The following CDH22 variants were observed in gnomAD, a reference collection of about 807,000 sequenced individuals.
The protein encoded by CDH22 is cadherin-22.
CDH22 carries 30 observed loss-of-function variants against 58.4 expected under a neutral mutation model. That is an observed-to-expected ratio of 0.51 (90% confidence interval 0.38 to 0.70). The LOEUF is 0.70. Among genes scored for constraint, CDH22 ranks in the 30% least tolerant of loss-of-function variants. The pLI, the probability that CDH22 is intolerant of heterozygous loss-of-function variation, is 0.00. For synonymous variants in CDH22, 513 were observed against 558.2 expected, an observed-to-expected ratio of 0.92 and a Z score of 1.14; for missense variants, 1,014 against 1,233.9, an observed-to-expected ratio of 0.82 and a Z score of 2.67.
At chr20:46,285,495 A>G (rs2425857) in intron 1 of CDH22, among the ~76,000 whole-genome samples, 95,391 of 152,002 alleles carry the variant, frequency 0.63, 30,461 homozygotes, top group South Asian at 0.75. Context: ...GGAGGGCAGG[A>G]ATGTTGCTAA....
In CDH22 at chr20:46,186,963, A is replaced by G. The variant is rs76118291; in HGVS notation, c.1424-16T>C. On this transcript the variant is annotated splice_polypyrimidine_tract_variant and intron_variant, in intron 8 of 11. Transcript: ENST00000537909. ...GCATGATTGTCTGTAATGAGAGCAC[A>G]GGAGCAAGGGGAGAGGCATCAAGTG... is the stretch of plus-strand genomic sequence containing the variant. The G allele has an allele frequency of 0.038, 59,889 of 1,563,066 alleles. 1,251 individuals are homozygous for G. The highest frequency in any genetic ancestry group is 0.045 in the Non-Finnish European group (51,482 of 1,152,722).
intron 5 of CDH22, 77 bp from the exon 6 acceptor site, chr20:46,213,265 A>G (rs993081154): frequency 1.5e-5 from 16 of 1,040,508 alleles, no homozygotes; most frequent in Non-Finnish European, 2.3e-5. Flanking sequence ...GGAGGGGACA[A>G]GGGGGCCCAG....
At chr20:46,199,305 C>G (rs919308867) in intron 8 of CDH22, 118 bp downstream of exon 8, 3 of 1,241,056 alleles carry the variant, frequency 2.4e-6, no homozygotes, top group Non-Finnish European at 3.3e-6. Context: ...GGCCCCTCCC[C>G]CGTGGGCTTT....
intron 1 of CDH22, among the ~76,000 whole-genome samples, chr20:46,279,263 G>C (rs2086536876): frequency 6.6e-6 from 1 of 152,108 alleles, no homozygotes; most frequent in African/African-American, 2.4e-5. Context: ...CGCTGAAAAC[G>C]CAAAAAACTC....
chr20:46,252,962 T>C (rs913683934), intron 1 of CDH22, among the ~76,000 whole-genome samples: 3 of 152,136 alleles, frequency 2.0e-5, no homozygotes, highest in Admixed American at 1.3e-4. Context: ...AAGAAAGGGA[T>C]GGGCATTTCA....
intron 3 of CDH22, among the ~76,000 whole-genome samples, chr20:46,235,836 C>T (rs2086248185): frequency 6.6e-6 from 1 of 152,192 alleles, no homozygotes; most frequent in Admixed American, 6.5e-5. Context: ...AACCTTGCCT[C>T]CTACAGTCTA....
In CDH22 at chr20:46,200,244, G is replaced by A. The variant is rs536819901; in HGVS notation, c.1287-685C>T. The stretch of plus-strand genomic sequence containing the variant: ...CCGCCTTGGCCTCCCAAAGTGCCTG[G>A]GATTACAGGCGTGAGCGACCGCGCC... On this transcript the variant is annotated intron_variant, in intron 7 of 11. Transcript: ENST00000537909. 1.8e-4 allele frequency among the ~76,000 whole-genome samples: 27 copies of A among 152,108 alleles called. No homozygotes were observed. In the East Asian group the frequency reaches 5.0e-3, roughly 28 times the overall value.
intron 1 of CDH22, among the ~76,000 whole-genome samples, chr20:46,290,755 G>A (rs1035403286): frequency 2.0e-5 from 3 of 152,104 alleles, no homozygotes; most frequent in Non-Finnish European, 4.4e-5. Context: ...GGGAATTCAC[G>A]AAGCTAGAGA....
At chr20:46,184,907 G>A (rs1314373760) in intron 10 of CDH22, among the ~76,000 whole-genome samples, 5 of 152,062 alleles carry the variant, frequency 3.3e-5, no homozygotes, top group Non-Finnish European at 7.4e-5. Context: ...CCAACATGGC[G>A]AAACCTCGTC....
At chr20:46,303,679 G>C (rs191267892) in intron 1 of CDH22, among the ~76,000 whole-genome samples, 8 of 152,298 alleles carry the variant, frequency 5.3e-5, no homozygotes, top group African/African-American at 1.9e-4. Context: ...CTTCGGGGAA[G>C]GTTGTTCAGG....
intron 10 of CDH22, among the ~76,000 whole-genome samples, chr20:46,179,036 G>A (rs1385316596): frequency 2.6e-5 from 4 of 152,252 alleles, no homozygotes; most frequent in Non-Finnish European, 5.9e-5. Context: ...GGGGGATGGT[G>A]GCTGGCCTTG....
chr20:46,239,170 G>A (rs2052691893), intron 3 of CDH22, among the ~76,000 whole-genome samples: 1 of 152,164 alleles, frequency 6.6e-6, no homozygotes, highest in African/African-American at 2.4e-5. Flanking sequence ...ATGAGAGGAG[G>A]GAATCTTCTG....
intron 2 of CDH22, among the ~76,000 whole-genome samples, chr20:46,243,186 G>A (rs563426927): frequency 2.6e-5 from 4 of 152,346 alleles, no homozygotes; most frequent in African/African-American, 4.8e-5. Context: ...AAGTCATCAC[G>A]AAGAGGGACG....
At chr20:46,239,195 T>C (rs2086273817) in intron 3 of CDH22, among the ~76,000 whole-genome samples, 1 of 152,260 alleles carries the variant, frequency 6.6e-6, no homozygotes. Context: ...TTCACTGCTG[T>C]GTTCCCAGGG....
intron 10 of CDH22, among the ~76,000 whole-genome samples, chr20:46,181,688 CTTTCTTTTCT>C (rs199578035): frequency 2.2e-5 from 3 of 138,512 alleles, no homozygotes; most frequent in East Asian, 2.1e-4. Context: ...TCCTTTCCCT[CTTTCTTTTCT>C]TTTCTTTTCT....
At chr20:46,260,177 T>C (rs2086426371) in intron 1 of CDH22, among the ~76,000 whole-genome samples, 1 of 152,230 alleles carries the variant, frequency 6.6e-6, no homozygotes, top group African/African-American at 2.4e-5. Context: ...AGAGATGCCT[T>C]AAGGAGGACC....
At chr20:46,199,590 G>A (rs115822194) in intron 7 of CDH22, 31 bp from the exon 8 acceptor site, 7 of 1,606,394 alleles carry the variant, frequency 4.4e-6, no homozygotes, top group African/African-American at 2.7e-5. Context: ...CTGATTGAAG[G>A]TGCCCCAGTG....
intron 11 of CDH22, among the ~76,000 whole-genome samples, chr20:46,175,750 G>A (rs1219591215): frequency 6.6e-6 from 1 of 152,166 alleles, no homozygotes; most frequent in African/African-American, 2.4e-5. Flanking sequence ...ATCCTGGCAC[G>A]GATCTTGTGG....
At chr20:46,301,610 A>C (rs1347220899) in intron 1 of CDH22, among the ~76,000 whole-genome samples, 2 of 152,044 alleles carry the variant, frequency 1.3e-5, no homozygotes, top group Non-Finnish European at 2.9e-5. Context: ...CAGGAGCTCG[A>C]GACCAGCCTG....
Sources: allele counts gnomAD v4.1 joint callset (sites outside exome capture counted in the v4.1 genomes callset), GRCh38; gene constraint gnomAD v4.1.1; transcripts MANE v1.5; gene names NCBI Gene and HGNC (gene_info 2026-07-23, HGNC 2026-07-21).